Variants in KLHL2 observed in about 807,000 individuals in gnomAD.
The protein encoded by KLHL2 is kelch-like protein 2.
In KLHL2, 15 loss-of-function variants were observed where a neutral mutation model predicts 75.8. The ratio of observed to expected loss-of-function variants is 0.20; its 90% CI spans 0.13 to 0.30. The LOEUF (loss-of-function observed/expected upper bound fraction) is 0.30, where lower values mean the gene tolerates loss of function less well. Ranked by LOEUF, KLHL2 falls within the 10% of genes least tolerant of loss-of-function variation. KLHL2 has a pLI of 1.00. For synonymous variants in KLHL2, 214 were observed against 251.9 expected (o/e 0.85, Z 1.42); for missense variants, 381 against 741.0 (o/e 0.51, Z 5.64).
chr4:165,288,727 A>G (rs1282609115), intron 5 of KLHL2, among the ~76,000 whole-genome samples: 2 of 151,866 alleles, frequency 1.3e-5, no homozygotes, highest in African/African-American at 2.4e-5. Flanking sequence ...GGTCAAGTAT[A>G]TTTGTAGGAT....
intron 5 of KLHL2, among the ~76,000 whole-genome samples, chr4:165,270,272 C>T (rs1345669907): frequency 1.3e-5 from 2 of 152,128 alleles, no homozygotes; most frequent in African/African-American, 4.8e-5. Flanking sequence ...GAACGTGCTC[C>T]TTTAGCTCAG....
intron 4 of KLHL2, among the ~76,000 whole-genome samples, chr4:165,247,212 G>C (rs1015062673): frequency 1.3e-5 from 2 of 152,176 alleles, no homozygotes; most frequent in African/African-American, 4.8e-5. Flanking sequence ...AAATGTTCCA[G>C]TGTGGATGAT....
intron 4 of KLHL2, among the ~76,000 whole-genome samples, chr4:165,256,418 CTGT>C (rs1741172980): frequency 6.6e-6 from 1 of 152,164 alleles, no homozygotes; most frequent in Non-Finnish European, 1.5e-5. Flanking sequence ...ACACTTAAAA[CTGT>C]TGCTGTTCAC....
intron 5 of KLHL2, among the ~76,000 whole-genome samples, chr4:165,270,177 T>C (rs1347126686): frequency 6.6e-6 from 1 of 152,186 alleles, no homozygotes; most frequent in African/African-American, 2.4e-5. Context: ...CATCAGGTCA[T>C]TTAAGGTCTT....
intron 13 of KLHL2, among the ~76,000 whole-genome samples, chr4:165,316,538 T>C (rs1286549858): frequency 1.3e-5 from 2 of 152,220 alleles, no homozygotes; most frequent in Non-Finnish European, 2.9e-5. Flanking sequence ...TATAAGTTCA[T>C]AGTAGCACTG....
At chr4:165,226,119 G>C (rs1341075766) in intron 2 of KLHL2, among the ~76,000 whole-genome samples, 1 of 152,196 alleles carries the variant, frequency 6.6e-6, no homozygotes, top group East Asian at 1.9e-4. Flanking sequence ...ACTGACAAAA[G>C]GAAAATAGGC....
chr4:165,267,416 T>A (rs902185987), intron 5 of KLHL2, among the ~76,000 whole-genome samples: 2 of 152,150 alleles, frequency 1.3e-5, no homozygotes, highest in African/African-American at 4.8e-5. Flanking sequence ...GCTTCCAGTT[T>A]TTGCCCATTC....
At chr4:165,290,301 C>T (rs1744411448) in intron 5 of KLHL2, among the ~76,000 whole-genome samples, 1 of 151,952 alleles carries the variant, frequency 6.6e-6, no homozygotes, top group Non-Finnish European at 1.5e-5. Context: ...CACCACCATG[C>T]CCAGCTAATT....
At chr4:165,208,255 G>T (rs1736969869) in intron 1 of KLHL2, among the ~76,000 whole-genome samples, 1 of 152,122 alleles carries the variant, frequency 6.6e-6, no homozygotes, top group African/African-American at 2.4e-5. Context: ...CTTTATAAGA[G>T]ATCAGGCTAG....
At chr4:165,230,391 A>G (rs1486195670) in intron 3 of KLHL2, among the ~76,000 whole-genome samples, 1 of 152,178 alleles carries the variant, frequency 6.6e-6, no homozygotes, top group Non-Finnish European at 1.5e-5. Context: ...CCCACATCCT[A>G]GAGTTTTTGT....
At chr4:165,263,805 G>GTTTTTTTTT (rs55901119) in intron 5 of KLHL2, among the ~76,000 whole-genome samples, 8 of 66,480 alleles carry the variant, frequency 1.2e-4, no homozygotes, top group Admixed American at 2.3e-4. Context: ...TTTTTACATT[G>GTTTTTTTTT]TTTTTTTTTT....
chr4:165,290,160 T>C (rs1180739866), intron 5 of KLHL2, among the ~76,000 whole-genome samples: 1 of 152,134 alleles, frequency 6.6e-6, no homozygotes, highest in African/African-American at 2.4e-5. Flanking sequence ...TATTTGTTTT[T>C]TTTTGAGACA....
At chr4:165,209,910 C>A in intron 1 of KLHL2, 1 of 903,912 alleles carries the variant, frequency 1.1e-6, no homozygotes, top group Non-Finnish European at 1.6e-6. Context: ...CCTTGCCACC[C>A]CTTGGCCTGT....
At chr4:165,311,175 T>C (rs1277393681) in intron 10 of KLHL2, among the ~76,000 whole-genome samples, 2 of 152,204 alleles carry the variant, frequency 1.3e-5, no homozygotes, top group African/African-American at 2.4e-5. Flanking sequence ...AAGTTTAAAA[T>C]TTTATCAAGA....
At chr4:165,261,690 A>AT (rs1480667047) in intron 4 of KLHL2, among the ~76,000 whole-genome samples, 2 of 152,086 alleles carry the variant, frequency 1.3e-5, no homozygotes, top group African/African-American at 4.8e-5. Flanking sequence ...TACTGTTTCT[A>AT]TTTTTTCTTG....
chr4:165,249,716 G>A (rs34698060), intron 4 of KLHL2, among the ~76,000 whole-genome samples: 1 of 152,160 alleles, frequency 6.6e-6, no homozygotes, highest in Non-Finnish European at 1.5e-5. Context: ...AGACACAGTG[G>A]TTCATTGACA....
At position 165,263,353 on chromosome 4, in the gene KLHL2, T is replaced by C; in HGVS notation, c.538T>C (p.Tyr180His). The C allele has an allele frequency of 6.2e-7, 1 of 1,613,662 alleles. No homozygotes were observed. The highest frequency in any genetic ancestry group is 8.5e-7 in the Non-Finnish European group (1 of 1,179,682). Residue 180 changes from tyrosine (Y) to histidine (H), a missense_variant, in exon 5 of 15, where the codon TAT becomes CAT. By Grantham distance (83) the Tyr-to-His change is moderately conservative. Transcript: ENST00000226725. The stretch of plus-strand genomic sequence containing the variant: ...CGACCTTCTGAACAAGGCCAACACC[T>C]ATGCAGGCAAGTGGAGTAGACCTCA... ...CTDLLNKANT[Y>H]AEQHFADVVL...
rs1326524427 is a variant in KLHL2, at chr4:165,313,315, A to G, written c.1417A>G (p.Thr473Ala). 2.5e-6 allele frequency: 4 copies of G among 1,589,720 alleles called. No homozygotes were observed. The Admixed American group carries it at 5.4e-5, about 22-fold the overall frequency. ...CACAGTAGAATGCTATAATGCTACAACAAATGAGTGGACCTATATAGCAGA... is the reference window on the plus strand; with the variant it reads ...CACAGTAGAATGCTATAATGCTACAGCAAATGAGTGGACCTATATAGCAGA... ...LSTVECYNAT[T>A]NEWTYIAEMS... The change falls in exon 12 of 15, where the codon ACA (threonine) becomes GCA (alanine). Residue 473 changes from threonine (T) to alanine (A), a missense_variant. This residue lies in a region of KLHL2 where 168 missense variants were observed against 370.4 expected (regional missense o/e 0.45). Coordinates refer to ENST00000226725, the MANE Select transcript of KLHL2 (RefSeq NM_007246.4).
chr4:165,265,063 C>T (rs1400424339), intron 5 of KLHL2, among the ~76,000 whole-genome samples: 1 of 151,888 alleles, frequency 6.6e-6, no homozygotes, highest in Non-Finnish European at 1.5e-5. Flanking sequence ...TTAATAATAG[C>T]TATTCTGGTT....
Sources: gnomAD v4.1 joint callset for allele counts (sites outside exome capture counted in the v4.1 genomes callset) on GRCh38, gnomAD v4.1.1 for gene constraint, gnomAD v4.1.1 regional missense constraint, MANE v1.5 for transcripts, NCBI Gene and HGNC (gene_info 2026-07-23, HGNC 2026-07-21) for gene names.